The following RASGEF1C variants were observed in gnomAD, a reference collection of about 807,000 sequenced individuals.
RASGEF1C encodes the protein ras-GEF domain-containing family member 1C.
Under a neutral mutation model 58.1 loss-of-function variants are expected in RASGEF1C, and 27 were observed. The ratio of observed to expected loss-of-function variants is 0.46; its 90% CI spans 0.34 to 0.64. The LOEUF (loss-of-function observed/expected upper bound fraction) is 0.64. Ranked by LOEUF, RASGEF1C falls within the 30% of genes least tolerant of loss-of-function variation. RASGEF1C has a pLI of 0.01. For missense variants in RASGEF1C, 502 were observed against 605.1 expected (o/e 0.83, Z 1.79); for synonymous variants, 243 against 246.3 (o/e 0.99, Z 0.13).
chr5:180,141,592 A>C (rs1468039354), intron 1 of RASGEF1C, among the ~76,000 whole-genome samples: 4 of 152,210 alleles, frequency 2.6e-5, no homozygotes, highest in African/African-American at 9.6e-5. Flanking sequence ...ACTTGTGAAG[A>C]AGAAAAGATT....
intron 11 of RASGEF1C, among the ~76,000 whole-genome samples, chr5:180,113,534 GGGGATGGACGGAGGGATCC>G (rs1197676306): frequency 3.7e-5 from 3 of 81,528 alleles, no homozygotes; most frequent in East Asian, 4.5e-4. Flanking sequence ...CGGAGGGACC[GGGGATGGACGGAGGGATCC>G]GGGATGGACG....
Position 180,177,269 on chromosome 5 carries a change from C to T in RASGEF1C, c.-7+31759G>A, listed in dbSNP as rs11951941. Among the ~76,000 whole-genome samples the T allele has an allele frequency of 0.016, 2,365 of 152,334 alleles. 64 individuals are homozygous for T. Among genetic ancestry groups the T allele is most frequent in the African/African-American group, 0.054 (2,256 of 41,582 alleles). ...AGCCCCGAAGCCAGGGGCTGCTTTC[C>T]CTTTCCGGCCCCACCTCCCCACCCA... On this transcript the variant is annotated intron_variant, in intron 1 of 13. Coordinates refer to ENST00000361132, the MANE Select transcript of RASGEF1C (RefSeq NM_175062.4). The surrounding 1 kb of genome is among the most constrained non-coding windows in gnomAD (Gnocchi z 5.0).
chr5:180,192,871 A>T (rs1172327377), intron 1 of RASGEF1C, among the ~76,000 whole-genome samples: 1 of 149,510 alleles, frequency 6.7e-6, no homozygotes, highest in Non-Finnish European at 1.5e-5. Flanking sequence ...CAGCCTCCCG[A>T]GTAGCTGGGA....
chr5:180,172,005 G>A (rs899823269), intron 1 of RASGEF1C, among the ~76,000 whole-genome samples: 30 of 152,302 alleles, frequency 2.0e-4, no homozygotes, highest in African/African-American at 7.2e-4. Context: ...GTCAGTGGGT[G>A]CACTAAAGGC....
intron 12 of RASGEF1C, among the ~76,000 whole-genome samples, chr5:180,105,868 A>C (rs78906981): frequency 1.2e-4 from 17 of 145,462 alleles, no homozygotes; most frequent in African/African-American, 4.4e-4. Context: ...ACTCTGTCTC[A>C]AAAAAAAAAA....
Position 180,204,576 on chromosome 5 carries a change from T to C in RASGEF1C, c.-7+4452A>G, listed in dbSNP as rs531337637. 3.8e-3 allele frequency among the ~76,000 whole-genome samples: 333 copies of C among 87,062 alleles called. 1 individual carries two copies. The highest frequency in any genetic ancestry group is 9.6e-3 in the Non-Finnish European group (275 of 28,740). 57.1% of individuals were successfully genotyped at this position (87,062 alleles called of 152,430 possible). A position where few individuals can be genotyped will look rare whatever the true frequency, so the allele number is the denominator to read the frequency against. On this transcript the variant is annotated intron_variant, in intron 1 of 13. Coordinates refer to ENST00000361132, the MANE Select transcript of RASGEF1C (RefSeq NM_175062.4). ...TAACAAAGGTCAACACCAATCCTGA[T>C]TTTTAAAACTGCCAATAAAATAGGA...
intron 1 of RASGEF1C, among the ~76,000 whole-genome samples, chr5:180,185,195 G>A (rs1310727724): frequency 3.3e-5 from 5 of 152,062 alleles, no homozygotes; most frequent in African/African-American, 7.2e-5. Flanking sequence ...GGGAGGCTGC[G>A]GCAGGAGAAT....
intron 12 of RASGEF1C, among the ~76,000 whole-genome samples, chr5:180,102,439 A>G (rs1314201643): frequency 6.6e-6 from 1 of 152,234 alleles, no homozygotes; most frequent in Admixed American, 6.5e-5. Flanking sequence ...TCATAGTGGC[A>G]TATTTGGAAT....
intron 1 of RASGEF1C, among the ~76,000 whole-genome samples, chr5:180,174,622 G>GCA (rs1479712043): frequency 1.4e-5 from 1 of 70,980 alleles, no homozygotes; most frequent in Non-Finnish European, 2.7e-5. Flanking sequence ...GTGTGTCTGT[G>GCA]TGTGTGTGTG....
intron 1 of RASGEF1C, among the ~76,000 whole-genome samples, chr5:180,151,821 G>A (rs10084809): frequency 0.94 from 142,456 of 151,382 alleles, 67,646 homozygotes; most frequent in East Asian, 1. Flanking sequence ...TCTACTCATC[G>A]GACAAAGGGC....
intron 1 of RASGEF1C, among the ~76,000 whole-genome samples, chr5:180,148,613 C>T (rs1020479605): frequency 1.3e-5 from 2 of 152,160 alleles, no homozygotes; most frequent in Admixed American, 1.3e-4. Flanking sequence ...AACTCTGCTC[C>T]TATACAGTTC....
intron 10 of RASGEF1C, among the ~76,000 whole-genome samples, chr5:180,116,731 C>T (rs569282524): frequency 4.9e-4 from 74 of 152,326 alleles, no homozygotes; most frequent in African/African-American, 1.6e-3. Flanking sequence ...CCATGGCTGA[C>T]GGCTCCCAGC....
chr5:180,102,366 A>G (rs1440147467), intron 12 of RASGEF1C, among the ~76,000 whole-genome samples: 4 of 152,176 alleles, frequency 2.6e-5, no homozygotes, highest in Non-Finnish European at 5.9e-5. Flanking sequence ...ATGATGTATA[A>G]ATACATGAGT....
chr5:180,148,523 C>T (rs1766693548), intron 1 of RASGEF1C, among the ~76,000 whole-genome samples: 1 of 152,006 alleles, frequency 6.6e-6, no homozygotes, highest in Admixed American at 6.6e-5. Flanking sequence ...TTGTGGCAAC[C>T]ATGGGAATTA....
At chr5:180,204,625 T>C (rs1756458131) in intron 1 of RASGEF1C, among the ~76,000 whole-genome samples, 1 of 144,852 alleles carries the variant, frequency 6.9e-6, no homozygotes, top group African/African-American at 2.6e-5. Flanking sequence ...CCTCTATCTA[T>C]CTATCTATCT....
At position 180,121,156 on chromosome 5, in the gene RASGEF1C, C is replaced by A. The variant is rs1417486224; in HGVS notation, c.715-7G>T. 6.2e-7 allele frequency: 1 copy of A among 1,606,968 alleles called. No individual in the cohort carries two copies. ...TCTTGTCACTGAAGCAGGGCTAGAA[C>A]AAACACAGCACACGGGACCACGTTC... On this transcript the variant is annotated splice_region_variant and splice_polypyrimidine_tract_variant and intron_variant, in intron 6 of 13. Coordinates refer to ENST00000361132, the MANE Select transcript of RASGEF1C (RefSeq NM_175062.4).
At position 180,154,746 on chromosome 5, in the gene RASGEF1C, A is replaced by AT. The variant is rs200265926; in HGVS notation, c.-6-16689dup. ...CAGGCACCCACCATCACGCCTGCCC[A>AT]TTTTTTTTGTATTTTTAGTAGAGAC... On this transcript the variant is annotated intron_variant, in intron 1 of 13. Transcript: ENST00000361132. Among the ~76,000 whole-genome samples the AT allele has an allele frequency of 2.4e-3, 361 of 151,362 alleles. 5 individuals are homozygous for AT. The East Asian group carries it at 0.043, about 18-fold the overall frequency.
chr5:180,162,406 C>T (rs1766957429), intron 1 of RASGEF1C, among the ~76,000 whole-genome samples: 1 of 152,234 alleles, frequency 6.6e-6, no homozygotes, highest in Non-Finnish European at 1.5e-5. Flanking sequence ...GGTCCCAACT[C>T]TGATGTCACC....
Position 180,204,818 on chromosome 5 carries a change from A to C in RASGEF1C, c.-7+4210T>G, listed in dbSNP as rs571008460. Among the ~76,000 whole-genome samples the C allele has an allele frequency of 9.2e-5, 14 of 152,328 alleles. No individual in the cohort carries two copies. The East Asian group carries it at 1.7e-3, about 19-fold the overall frequency. ...TTCAGCCAATTTAATTAGATAAAAG[A>C]AAGCATAAAAATCAGTAGAGAAGCA... On this transcript the variant is annotated intron_variant, in intron 1 of 13. Coordinates refer to ENST00000361132, the MANE Select transcript of RASGEF1C (RefSeq NM_175062.4).
Sources: gnomAD v4.1 joint callset for allele counts (sites outside exome capture counted in the v4.1 genomes callset) on GRCh38, gnomAD v4.1.1 for gene constraint, Gnocchi (gnomAD v3.1) non-coding constraint, MANE v1.5 for transcripts, NCBI Gene and HGNC (gene_info 2026-07-23, HGNC 2026-07-21) for gene names.